CACNA1E: variants seen among roughly 807,000 people sequenced by gnomAD.
CACNA1E encodes the protein calcium voltage-gated channel subunit alpha1 E, also known as voltage-dependent R-type calcium channel subunit alpha-1E.
A neutral mutation model predicts 259.2 loss-of-function variants in CACNA1E; 40 were observed. The observed-to-expected ratio is 0.15, with a 90% CI of 0.12 to 0.20. The LOEUF (loss-of-function observed/expected upper bound fraction) is 0.20, where lower values mean the gene tolerates loss of function less well. Among genes scored for constraint, CACNA1E ranks in the 10% least tolerant of loss-of-function variants. CACNA1E has a pLI of 1.00. For synonymous variants in CACNA1E, 1,104 were observed against 1,138.5 expected, an observed-to-expected ratio of 0.97 and a Z score of 0.61; for missense variants, 1,874 against 3,040.1, an observed-to-expected ratio of 0.62 and a Z score of 9.02.
intron 7 of CACNA1E, among the ~76,000 whole-genome samples, chr1:181,707,370 G>A (rs1652891467): frequency 2.6e-5 from 4 of 152,138 alleles, no homozygotes; most frequent in Admixed American, 2.6e-4. Context: ...CAGGTGGGAG[G>A]GTGGGAGGAA....
intron 1 of CACNA1E, among the ~76,000 whole-genome samples, chr1:181,509,597 C>T (rs1665997649): frequency 6.6e-6 from 1 of 152,198 alleles, no homozygotes; most frequent in African/African-American, 2.4e-5. Flanking sequence ...TGGTGATTCC[C>T]TCTTTCTCTT....
At chr1:181,535,320 T>C (rs1445995869) in intron 3 of CACNA1E, among the ~76,000 whole-genome samples, 9 of 152,152 alleles carry the variant, frequency 5.9e-5, no homozygotes, top group Non-Finnish European at 5.9e-5. Flanking sequence ...TAAAATTGGC[T>C]AATCTTAGGC....
chr1:181,795,109 T>C, intron 46 of CACNA1E, 65 bp downstream of exon 46: 8 of 1,352,872 alleles, frequency 5.9e-6, no homozygotes, highest in Non-Finnish European at 7.2e-6. Flanking sequence ...ATGCACTTAC[T>C]CTCCAAGGAC....
At chr1:181,611,469 T>C (rs768593293) in intron 6 of CACNA1E, among the ~76,000 whole-genome samples, 6 of 152,118 alleles carry the variant, frequency 3.9e-5, no homozygotes, top group Admixed American at 6.5e-5. Flanking sequence ...TGAAAAACCT[T>C]GTCAATTATC....
At position 181,325,892 on chromosome 1, in the gene CACNA1E, G is replaced by A. The variant is rs7544699; in HGVS notation, c.-15+7769G>A. The stretch of plus-strand genomic sequence containing the variant: ...GAGGCCGGCGCTCCCCTCCCAGGCC[G>A]CAGGGGACAGACAGGGATTGGGTTC... On this transcript the variant is annotated intron_variant, in intron 1 of 11. Transcript: ENST00000524607. 7.2e-3 allele frequency among the ~76,000 whole-genome samples: 1,099 copies of A among 152,158 alleles called. 18 individuals are homozygous for A. The highest frequency in any genetic ancestry group is 0.025 in the African/African-American group (1,052 of 41,492).
chr1:181,493,201 T>C (rs1558051473), intron 1 of CACNA1E, among the ~76,000 whole-genome samples: 1 of 152,206 alleles, frequency 6.6e-6, no homozygotes, highest in East Asian at 1.9e-4. Flanking sequence ...TCTATCATGT[T>C]AAAAAATTCC....
At chr1:181,728,557 G>A (rs117130363) in intron 18 of CACNA1E, among the ~76,000 whole-genome samples, 1 of 152,296 alleles carries the variant, frequency 6.6e-6, no homozygotes, top group East Asian at 1.9e-4. Flanking sequence ...GCACAGATGT[G>A]TGTGCCCTGC....
At position 181,711,142 on chromosome 1, in the gene CACNA1E, G is replaced by A. The variant is rs373320275; in HGVS notation, c.1171+73G>A. 68 of 1,025,398 alleles carry A rather than the reference G, an allele frequency of 6.6e-5. No homozygotes were observed. In the East Asian group the frequency reaches 1.4e-3, roughly 20 times the overall value. The allele number at this position is 1,025,398 out of a possible 1,614,324, so 63.5% of individuals were successfully genotyped here. A position where few individuals can be genotyped will look rare whatever the true frequency, so the allele number is the denominator to read the frequency against. On this transcript the variant is annotated intron_variant, in intron 8 of 47. Coordinates refer to ENST00000367573, the MANE Select transcript of CACNA1E (RefSeq NM_001205293.3). ...TCAGGGCCGGCCCCTCACTCCCAAT[G>A]CTCCCATTCAAGGGGCAGCCTAGAC...
In CACNA1E at chr1:181,798,258, C is replaced by A; in HGVS notation, c.6400-34C>A. 2.0e-6 allele frequency: 3 copies of A among 1,530,048 alleles called. No homozygotes were observed. The highest frequency in any genetic ancestry group is 1.8e-6 in the Non-Finnish European group (2 of 1,132,040). 94.8% of individuals were successfully genotyped at this position (1,530,048 alleles called of 1,614,324 possible). ...TTGCAAGTAGGGATCATGCCAAGCC[C>A]AATCTAACATGCCATGTCTCTCCTG... is the stretch of plus-strand genomic sequence containing the variant. On this transcript the variant is annotated intron_variant, in intron 47 of 47. Transcript: ENST00000367573. This position sits in a 1 kb window ranked among gnomAD's most constrained non-coding sequence, Gnocchi z 4.2.
intron 39 of CACNA1E, 144 bp downstream of exon 39, chr1:181,781,667 T>C: frequency 6.2e-6 from 4 of 645,076 alleles, no homozygotes; most frequent in Non-Finnish European, 1.1e-5. Context: ...GACTGAAGAG[T>C]CAGGAAGGTT....
intron 6 of CACNA1E, among the ~76,000 whole-genome samples, chr1:181,630,012 C>T (rs989501971): frequency 6.6e-6 from 1 of 151,784 alleles, no homozygotes; most frequent in African/African-American, 2.4e-5. Context: ...ATAGTATGAT[C>T]CCATTCAAAA....
intron 1 of CACNA1E, among the ~76,000 whole-genome samples, chr1:181,377,147 A>G (rs926254578): frequency 2.0e-5 from 3 of 152,234 alleles, no homozygotes; most frequent in African/African-American, 7.2e-5. Flanking sequence ...CATGAAAATC[A>G]TGGACAGTTG....
At chr1:181,646,212 G>A (rs78211393) in intron 6 of CACNA1E, among the ~76,000 whole-genome samples, 5,212 of 152,316 alleles carry the variant, frequency 0.034, 129 homozygotes, top group South Asian at 0.087. Context: ...GAGTCCAGCA[G>A]TTCTTAATCA....
chr1:181,458,618 T>G (rs1661606802), intron 2 of CACNA1E, among the ~76,000 whole-genome samples: 1 of 152,228 alleles, frequency 6.6e-6, no homozygotes, highest in Non-Finnish European at 1.5e-5. Context: ...TGAATGCCCT[T>G]GACACCTATG....
chr1:181,538,904 CA>C (rs989551643), intron 3 of CACNA1E, among the ~76,000 whole-genome samples: 2 of 152,208 alleles, frequency 1.3e-5, no homozygotes, highest in Non-Finnish European at 2.9e-5. Flanking sequence ...CATGGTTTCA[CA>C]AAATGTAATA....
At chr1:181,337,979 C>A (rs1192750427) in intron 1 of CACNA1E, among the ~76,000 whole-genome samples, 1 of 152,182 alleles carries the variant, frequency 6.6e-6, no homozygotes, top group African/African-American at 2.4e-5. Flanking sequence ...TTCCTACCAA[C>A]AATGTACAAG....
intron 7 of CACNA1E, among the ~76,000 whole-genome samples, chr1:181,706,638 C>T (rs1319327771): frequency 6.6e-6 from 1 of 152,150 alleles, no homozygotes; most frequent in African/African-American, 2.4e-5. Context: ...AAACAAAACC[C>T]ATCTGTTTTA....
intron 2 of CACNA1E, among the ~76,000 whole-genome samples, chr1:181,453,427 G>T (rs1399321810): frequency 6.6e-6 from 1 of 152,138 alleles, no homozygotes; most frequent in Non-Finnish European, 1.5e-5. Flanking sequence ...CTTAGCTCTA[G>T]GCTCTGTAAA....
At chr1:181,344,787 G>T (rs1029359033) in intron 1 of CACNA1E, among the ~76,000 whole-genome samples, 3 of 152,206 alleles carry the variant, frequency 2.0e-5, no homozygotes, top group African/African-American at 7.2e-5. Flanking sequence ...GAGGCCCCCG[G>T]GCTGGCCATC....
Sources: gnomAD v4.1 joint callset for allele counts (sites outside exome capture counted in the v4.1 genomes callset) on GRCh38, gnomAD v4.1.1 for gene constraint, Gnocchi (gnomAD v3.1) non-coding constraint, MANE v1.5 for transcripts, NCBI Gene and HGNC (gene_info 2026-07-23, HGNC 2026-07-21) for gene names.